AR: variants seen among roughly 807,000 people sequenced by gnomAD.
The protein encoded by AR is dihydrotestosterone receptor.
AR carries 8 observed loss-of-function variants against 53.9 expected under a neutral mutation model. The ratio of observed to expected loss-of-function variants is 0.15; its 90% CI spans 0.09 to 0.27. AR has a LOEUF of 0.27. Ranked by LOEUF, AR falls within the 10% of genes least tolerant of loss-of-function variation. The pLI, the probability that AR is intolerant of heterozygous loss-of-function variation, is 1.00. For synonymous variants in AR, 359 were observed against 316.4 expected (o/e 1.13, Z -1.43); for missense variants, 639 against 742.5 (o/e 0.86, Z 1.62).
chrX:67,585,957 A>G (rs961833035), intron 1 of AR, among the ~76,000 whole-genome samples: 2 of 111,938 alleles, frequency 1.8e-5, no homozygotes, highest in African/African-American at 3.3e-5. Context: ...CTTTTCCTTT[A>G]TCTCCTTCTT....
rs2147541012 is a variant in AR at position 67,723,861 on chromosome X, C to T, written c.*20C>T. The T allele has an allele frequency of 8.3e-7, 1 of 1,207,589 alleles. No individual in the cohort carries two copies. The highest frequency in any genetic ancestry group is 1.1e-6 in the Non-Finnish European group (1 of 894,220). On this transcript the variant is annotated 3_prime_UTR_variant, in exon 8 of 8. Coordinates refer to ENST00000374690, the MANE Select transcript of AR (RefSeq NM_000044.6). ...CAGTGAAGCATTGGAAACCCTATTT[C>T]CCCACCCCAGCTCATGCCCCCTTTC...
intron 2 of AR, among the ~76,000 whole-genome samples, chrX:67,648,926 C>A (rs1010320702): frequency 3.6e-5 from 4 of 111,656 alleles, no homozygotes; most frequent in African/African-American, 1.3e-4. Flanking sequence ...TCAGAATATG[C>A]AGGTTTCTTA....
chrX:67,594,835 G>C (rs894796406), intron 1 of AR, among the ~76,000 whole-genome samples: 5 of 111,463 alleles, frequency 4.5e-5, no homozygotes, highest in African/African-American at 9.8e-5. Context: ...TGTAGTCCCA[G>C]CTACTCAGGA....
At chrX:67,632,669 A>C (rs1443544185) in intron 1 of AR, among the ~76,000 whole-genome samples, 1 of 112,358 alleles carries the variant, frequency 8.9e-6, no homozygotes, top group Non-Finnish European at 1.9e-5. Flanking sequence ...TCCAGAAAAA[A>C]AAATTGTTAA....
chrX:67,663,688 G>A (rs976316412), intron 2 of AR, among the ~76,000 whole-genome samples: 1 of 112,173 alleles, frequency 8.9e-6, no homozygotes, highest in Non-Finnish European at 1.9e-5. Context: ...CTAGATTGGG[G>A]AAGTTGTCCT....
At chrX:67,580,485 T>C (rs1187843273) in intron 1 of AR, among the ~76,000 whole-genome samples, 1 of 111,616 alleles carries the variant, frequency 9.0e-6, no homozygotes, top group African/African-American at 3.2e-5. Flanking sequence ...ACCTTTAAAG[T>C]GTTACTATTA....
At position 67,722,864 on chromosome X, in the gene AR, T is replaced by G; in HGVS notation, c.2487T>G (p.Asp829Glu). ...VDGLKNQKFFDELRMNYIKEL... is the reference protein window; with the variant it reads ...VDGLKNQKFFEELRMNYIKEL... ...GGCTGAAAAATCAAAAATTCTTTGA[T>G]GAACTTCGAATGAACTACATCAAGG... Residue 829 changes from aspartate (D) to glutamate (E), a missense_variant, in exon 7 of 8, where the codon GAT becomes GAG. Coordinates refer to ENST00000374690, the MANE Select transcript of AR (RefSeq NM_000044.6). 8.3e-7 allele frequency: 1 copy of G among 1,211,398 alleles called. No individual in the cohort carries two copies. Among genetic ancestry groups the G allele is most frequent in the Non-Finnish European group, 1.1e-6 (1 of 895,298 alleles).
chrX:67,572,272 G>A lies in AR; in HGVS notation c.1616+25510G>A, dbSNP rs144960813. Among the ~76,000 whole-genome samples the A allele has an allele frequency of 6.8e-3, 755 of 111,286 alleles. 5 individuals are homozygous for A. The highest frequency in any genetic ancestry group is 0.023 in the African/African-American group (720 of 30,657). On this transcript the variant is annotated intron_variant, in intron 1 of 7. Transcript: ENST00000374690. The stretch of plus-strand genomic sequence containing the variant: ...GATTCTGCCTTTTCTGGGGAGGGAG[G>A]CTGAGTATTGGATTGAAGAGGAGTC...
chrX:67,551,529 T>C (rs1045858549), intron 1 of AR, among the ~76,000 whole-genome samples: 6 of 111,497 alleles, frequency 5.4e-5, no homozygotes, highest in Non-Finnish European at 1.1e-4. Context: ...CGGAAGAGAA[T>C]TATGAAATCT....
intron 2 of AR, among the ~76,000 whole-genome samples, chrX:67,661,053 A>C (rs369977903): frequency 1.8e-5 from 2 of 112,037 alleles, no homozygotes; most frequent in Non-Finnish European, 3.8e-5. Flanking sequence ...TGATTTTTGC[A>C]CATTGATTTT....
chrX:67,696,150 T>TC, intron 3 of AR: 3 of 740,824 alleles, frequency 4.0e-6, no homozygotes, highest in Non-Finnish European at 4.8e-6. Flanking sequence ...TTTTTTTTTT[T>TC]TCCTTTTTTT....
At position 67,546,292 on chromosome X, in the gene AR, T is replaced by C. The variant is rs752328862; in HGVS notation, c.1146T>C (p.His382=). 1 of 1,191,484 alleles carries C rather than the reference T, an allele frequency of 8.4e-7. No homozygotes were observed. The highest frequency in any genetic ancestry group is 1.8e-5 in the African/African-American group (1 of 55,976). The part of the protein sequence containing the change: ...AGPPPPPPPP[H]PHARIKLENP... The stretch of plus-strand genomic sequence containing the variant: ...CGCCGCCCCCTCCGCCGCCTCCCCA[T>C]CCCCACGCTCGCATCAAGCTGGAGA... The change falls in exon 1 of 8, where the codon CAT becomes CAC. Residue 382 remains histidine (H), a synonymous_variant. Coordinates refer to ENST00000374690, the MANE Select transcript of AR (RefSeq NM_000044.6).
chrX:67,629,754 T>C (rs1214425513), intron 1 of AR, among the ~76,000 whole-genome samples: 1 of 110,049 alleles, frequency 9.1e-6, no homozygotes, highest in East Asian at 2.9e-4. Context: ...GGATCTTTCC[T>C]GCTTTCTCTT....
intron 3 of AR, among the ~76,000 whole-genome samples, chrX:67,711,159 G>C (rs2076092061): frequency 1.8e-5 from 2 of 112,503 alleles, no homozygotes; most frequent in South Asian, 7.3e-4. Flanking sequence ...TGCTAGGTTG[G>C]TCTAGCACAA....
At position 67,546,332 on chromosome X, in the gene AR, G is replaced by C. The variant is rs202150225; in HGVS notation, c.1186G>C (p.Gly396Arg). ...RIKLENPLDY[G>R]SAWAAAAAQC... ...CAAGCTGGAGAACCCGCTGGACTAC[G>C]GCAGCGCCTGGGCGGCTGCGGCGGC... Residue 396 changes from glycine (G) to arginine (R), a missense_variant, in exon 1 of 8, where the codon GGC (glycine) becomes CGC (arginine). By Grantham distance (125) the Gly-to-Arg change is moderately radical. Transcript: ENST00000374690. The C allele has an allele frequency of 3.4e-5, 41 of 1,191,458 alleles. No individual in the cohort carries two copies. The East Asian group carries it at 5.5e-4, about 16-fold the overall frequency.
At position 67,729,773 on chromosome X, in the gene AR, A is replaced by C. The variant is rs1457214977; in HGVS notation, c.*5932A>C. ...ATACACCAAAGGAAAGACAATTCTG[A>C]AATGCTGTTTCTCTGGTGGTTCCCT... On this transcript the variant is annotated 3_prime_UTR_variant, in exon 8 of 8. Coordinates refer to ENST00000374690, the MANE Select transcript of AR (RefSeq NM_000044.6). 1 of 172,166 alleles carries C rather than the reference A, an allele frequency of 5.8e-6. No individual in the cohort carries two copies. Among genetic ancestry groups the C allele is most frequent in the Non-Finnish European group, 1.1e-5 (1 of 90,525 alleles). The allele number at this position is 172,166 out of a possible 1,213,427, so 14.2% of individuals were successfully genotyped here. A position where few individuals can be genotyped will look rare whatever the true frequency, so the allele number is the denominator to read the frequency against.
chrX:67,597,858 G>T (rs922793659), intron 1 of AR, among the ~76,000 whole-genome samples: 1 of 112,122 alleles, frequency 8.9e-6, no homozygotes, highest in Non-Finnish European at 1.9e-5. Context: ...ATTGGACAAA[G>T]ACTTTTGTTG....
chrX:67,552,162 T>C (rs1486642548), intron 1 of AR, among the ~76,000 whole-genome samples: 4 of 112,038 alleles, frequency 3.6e-5, no homozygotes, highest in African/African-American at 9.7e-5. Flanking sequence ...AAGGAAACCC[T>C]ATGCACCTTT....
At chrX:67,722,176 A>G in intron 6 of AR, 1 of 438,745 alleles carries the variant, frequency 2.3e-6, no homozygotes, top group Non-Finnish European at 3.9e-6. Flanking sequence ...GCTAGAAGTC[A>G]ACCTCCATCA....
Sources: gnomAD v4.1 joint callset for allele counts (sites outside exome capture counted in the v4.1 genomes callset) on GRCh38, gnomAD v4.1.1 for gene constraint, MANE v1.5 for transcripts, NCBI Gene and HGNC (gene_info 2026-07-23, HGNC 2026-07-21) for gene names.